The following STRAP variants were observed in gnomAD, a reference collection of about 807,000 sequenced individuals.
The protein encoded by STRAP is serine/threonine kinase receptor associated protein.
In STRAP, 16 loss-of-function variants were observed where a neutral mutation model predicts 47.0. The ratio of observed to expected loss-of-function variants is 0.34; its 90% CI spans 0.23 to 0.52. The LOEUF (loss-of-function observed/expected upper bound fraction) is 0.52, where lower values mean the gene tolerates loss of function less well. Ranked by LOEUF, STRAP falls within the 20% of genes least tolerant of loss-of-function variation. The pLI, the probability that STRAP is intolerant of heterozygous loss-of-function variation, is 0.96. For synonymous variants in STRAP, 130 were observed against 142.7 expected, an observed-to-expected ratio of 0.91 and a Z score of 0.63; for missense variants, 293 against 420.0, an observed-to-expected ratio of 0.70 and a Z score of 2.64.
intron 2 of STRAP, among the ~76,000 whole-genome samples, chr12:15,885,115 A>G (rs1947957939): frequency 6.6e-6 from 1 of 151,990 alleles, no homozygotes; most frequent in East Asian, 1.9e-4. Flanking sequence ...TGATGAAGGC[A>G]ATATCAAGAA....
chr12:15,891,874 A>T (rs1485454789), intron 4 of STRAP, among the ~76,000 whole-genome samples: 1 of 151,840 alleles, frequency 6.6e-6, no homozygotes, highest in African/African-American at 2.4e-5. Flanking sequence ...TGAACCCGGG[A>T]GGTAGAGGTT....
chr12:15,882,391 G>C lies in STRAP; in HGVS notation c.-317G>C. ...GCGGGTGCTCTGCGTCATTTACGTC[G>C]TCACTTCCTGCCGATGCCGGTGTGG... is the stretch of plus-strand genomic sequence containing the variant. On this transcript the variant is annotated 5_prime_UTR_variant, in exon 1 of 10. Coordinates refer to ENST00000419869, the MANE Select transcript of STRAP (RefSeq NM_007178.4). 2.4e-6 allele frequency: 1 copy of C among 408,980 alleles called. No homozygotes were observed. The highest frequency in any genetic ancestry group is 3.1e-5 in the South Asian group (1 of 32,308). The allele number at this position is 408,980 out of a possible 1,614,324, so 25.3% of individuals were successfully genotyped here. A position where few individuals can be genotyped will look rare whatever the true frequency, so the allele number is the denominator to read the frequency against.
In STRAP at chr12:15,900,317, G is replaced by A. The variant is rs550159848; in HGVS notation, c.925+264G>A. Among the ~76,000 whole-genome samples the A allele has an allele frequency of 2.4e-3, 361 of 151,950 alleles. 1 individual carries two copies. Among genetic ancestry groups the A allele is most frequent in the Middle Eastern group, 0.01 (3 of 292 alleles). On this transcript the variant is annotated intron_variant, in intron 8 of 9. Transcript: ENST00000419869. The stretch of plus-strand genomic sequence containing the variant: ...GAGGCTGAGGCGGGCGGATCACAGG[G>A]TCAGGAGTTCGAGACCAGCCTGGCC...
intron 8 of STRAP, 80 bp from the exon 9 acceptor site, chr12:15,900,867 T>C: frequency 8.6e-7 from 1 of 1,156,108 alleles, no homozygotes. Flanking sequence ...TAGTCTTATG[T>C]TGCTCTTCTT....
chr12:15,893,948 T>C, intron 4 of STRAP, 99 bp from the exon 5 acceptor site: 1 of 986,588 alleles, frequency 1.0e-6, no homozygotes, highest in South Asian at 1.4e-5. Flanking sequence ...TGCAGTCTAA[T>C]TTAAAATGTG....
chr12:15,900,910 G>GT (rs1948097890), intron 8 of STRAP, 37 bp from the exon 9 acceptor site: 2 of 1,535,382 alleles, frequency 1.3e-6, no homozygotes, highest in African/African-American at 2.8e-5. Flanking sequence ...CTTTAATAGT[G>GT]TAAGTCATAT....
intron 2 of STRAP, 40 bp from the exon 3 acceptor site, chr12:15,889,888 G>A: frequency 1.3e-6 from 2 of 1,496,784 alleles, no homozygotes; most frequent in Admixed American, 1.7e-5. Context: ...AATATATTGG[G>A]TAATATTTAT....
intron 9 of STRAP, among the ~76,000 whole-genome samples, chr12:15,902,239 T>C (rs923360314): frequency 6.6e-6 from 1 of 152,182 alleles, no homozygotes; most frequent in Admixed American, 6.5e-5. Context: ...CCCAAAGTGC[T>C]GGGATTACAG....
At chr12:15,899,855 A>G in intron 7 of STRAP, 49 bp from the exon 8 acceptor site, 2 of 1,558,470 alleles carry the variant, frequency 1.3e-6, no homozygotes, top group East Asian at 2.2e-5. Flanking sequence ...TAGCATATCA[A>G]TATTTAACCT....
chr12:15,900,779 A>G (rs141742591), intron 8 of STRAP, 168 bp from the exon 9 acceptor site: 24 of 465,590 alleles, frequency 5.2e-5, no homozygotes, highest in African/African-American at 5.0e-4. Context: ...AATTTTAAAG[A>G]AAGACATACT....
intron 9 of STRAP, among the ~76,000 whole-genome samples, chr12:15,901,860 C>CAAACA (rs1948105854): frequency 1.1e-5 from 1 of 87,802 alleles, no homozygotes. Flanking sequence ...GACTCTGTCT[C>CAAACA]AAAAAAAAAA....
intron 7 of STRAP, 79 bp downstream of exon 7, chr12:15,898,097 T>G: frequency 8.0e-7 from 1 of 1,243,384 alleles, no homozygotes; most frequent in Non-Finnish European, 1.1e-6. Context: ...TTTATATATA[T>G]ATATATGTTA....
rs1947930618 is a variant in STRAP, at chr12:15,882,591, A to C, written c.-117A>C. On this transcript the variant is annotated 5_prime_UTR_variant, in exon 1 of 10. Coordinates refer to ENST00000419869, the MANE Select transcript of STRAP (RefSeq NM_007178.4). ...GATTGCCCTTCTTTTCCTGTTGCCC[A>C]GCCCAGCCCTAGTGTCAGGGCGGGG... The C allele has an allele frequency of 2.4e-6, 2 of 824,946 alleles. No homozygotes were observed. The highest frequency in any genetic ancestry group is 2.7e-5 in the East Asian group (1 of 37,110). 51.1% of individuals were successfully genotyped at this position (824,946 alleles called of 1,614,324 possible).
rs754743986 is a variant in STRAP at position 15,883,552 on chromosome 12, A to G, written c.124A>G (p.Met42Val). ...AAAATATTTTCTAGATGGTAAACCT[A>G]TGCTACGCCAGGGAGATACAGGAGA... ...LISACKDGKP[M>V]LRQGDTGDWI... Residue 42 changes from methionine to valine, a missense_variant, in exon 2 of 10, where the codon ATG (methionine) becomes GTG (valine). Met to Val is a conservative substitution (Grantham distance 21, BLOSUM62 1). Around this residue, in one of 5 missense-constraint regions of STRAP, gnomAD observed 32 missense variants for 76.1 expected, o/e 0.42. Transcript: ENST00000419869. 27 of 1,613,630 alleles carry G rather than the reference A, an allele frequency of 1.7e-5. No individual in the cohort carries two copies. Among genetic ancestry groups the G allele is most frequent in the African/African-American group, 5.3e-5 (4 of 75,050 alleles).
chr12:15,884,572 A>AT (rs1175141152), intron 2 of STRAP, among the ~76,000 whole-genome samples: 3 of 150,036 alleles, frequency 2.0e-5, no homozygotes, highest in Non-Finnish European at 4.4e-5. Flanking sequence ...ATTTAAAAAT[A>AT]TTTTTTAATA....
intron 2 of STRAP, among the ~76,000 whole-genome samples, chr12:15,888,210 A>T (rs1225405134): frequency 6.6e-6 from 1 of 152,260 alleles, no homozygotes; most frequent in Non-Finnish European, 1.5e-5. Flanking sequence ...TAGAACTTTA[A>T]TAGCTAAGAA....
In STRAP at chr12:15,900,962, A is replaced by C; in HGVS notation, c.941A>C (p.Glu314Ala). ...CTTTTTACAGAAGAAGATAGTGGTGAGCTGGCAAAGCCAAAGATTGGTTTT... is the reference window on the plus strand; with the variant it reads ...CTTTTTACAGAAGAAGATAGTGGTGCGCTGGCAAAGCCAAAGATTGGTTTT... ...KCVLPEEDSG[E>A]LAKPKIGFPE... The change falls in exon 9 of 10, where the codon GAG (glutamate) becomes GCG (alanine). Residue 314 changes from glutamate to alanine, a missense_variant. Coordinates refer to ENST00000419869, the MANE Select transcript of STRAP (RefSeq NM_007178.4). 1.3e-6 allele frequency: 2 copies of C among 1,595,516 alleles called. No individual in the cohort carries two copies. The highest frequency in any genetic ancestry group is 1.7e-6 in the Non-Finnish European group (2 of 1,171,200).
chr12:15,891,614 C>G (rs996883684), intron 4 of STRAP, among the ~76,000 whole-genome samples: 1 of 152,110 alleles, frequency 6.6e-6, no homozygotes, highest in Non-Finnish European at 1.5e-5. Flanking sequence ...GATAACTAAG[C>G]AAAAGTAGAA....
chr12:15,893,969 A>T, intron 4 of STRAP, 78 bp from the exon 5 acceptor site: 1 of 1,162,016 alleles, frequency 8.6e-7, no homozygotes, highest in South Asian at 1.4e-5. Context: ...TGTTTTTAAA[A>T]ATATATAATT....
Sources: gnomAD v4.1 joint callset for allele counts (sites outside exome capture counted in the v4.1 genomes callset) on GRCh38, gnomAD v4.1.1 for gene constraint, gnomAD v4.1.1 regional missense constraint, MANE v1.5 for transcripts, NCBI Gene and HGNC (gene_info 2026-07-23, HGNC 2026-07-21) for gene names.